Variants in PRSS23 observed in about 807,000 individuals in gnomAD.
The protein encoded by PRSS23 is serine protease 23.
Under a neutral mutation model 34.7 loss-of-function variants are expected in PRSS23, and 25 were observed. The observed-to-expected ratio is 0.72, with a 90% confidence interval of 0.53 to 1.01. The LOEUF (loss-of-function observed/expected upper bound fraction) is 1.01. Among genes scored for constraint, PRSS23 ranks in the 50% least tolerant of loss-of-function variants. The pLI, the probability that PRSS23 is intolerant of heterozygous loss-of-function variation, is 0.00. For synonymous variants in PRSS23, 176 were observed against 186.6 expected, an observed-to-expected ratio of 0.94 and a Z score of 0.46; for missense variants, 445 against 475.6, an observed-to-expected ratio of 0.94 and a Z score of 0.60.
At chr11:86,844,473 T>C (rs1211824404) in intron 2 of PRSS23, among the ~76,000 whole-genome samples, 1 of 152,094 alleles carries the variant, frequency 6.6e-6, no homozygotes, top group African/African-American at 2.4e-5. Flanking sequence ...CAGTGTGCAA[T>C]ACAGCTGTCA....
chr11:86,951,033 G>A, intron 2 of PRSS23: 2 of 1,189,976 alleles, frequency 1.7e-6, no homozygotes, highest in Non-Finnish European at 2.5e-6. Context: ...CTTAATTGTT[G>A]CTAGTTTGTT....
intron 1 of PRSS23, chr11:86,821,462 A>G: frequency 1.2e-6 from 2 of 1,602,822 alleles, no homozygotes; most frequent in South Asian, 1.1e-5. Flanking sequence ...GGTATAGGCT[A>G]TAGCAGGACA....
intron 2 of PRSS23, among the ~76,000 whole-genome samples, chr11:86,902,657 C>T (rs1948919314): frequency 6.6e-6 from 1 of 152,152 alleles, no homozygotes; most frequent in African/African-American, 2.4e-5. Flanking sequence ...ATGCTACTAC[C>T]TATGTTTTTT....
chr11:86,912,784 C>A (rs1248520430), intron 2 of PRSS23, among the ~76,000 whole-genome samples: 1 of 152,100 alleles, frequency 6.6e-6, no homozygotes, highest in African/African-American at 2.4e-5. Context: ...TCTCTATTAG[C>A]CCTTTCTCTT....
chr11:86,903,339 G>A (rs1011022610), intron 2 of PRSS23, among the ~76,000 whole-genome samples: 4 of 152,102 alleles, frequency 2.6e-5, no homozygotes, highest in African/African-American at 9.7e-5. Flanking sequence ...CAAGGTCACT[G>A]CAATCATGCA....
chr11:86,910,420 G>C (rs1565383647), intron 2 of PRSS23: 2 of 152,104 alleles, frequency 1.3e-5, no homozygotes, highest in African/African-American at 4.8e-5. Context: ...TTAAAAATTA[G>C]TCCAGAATTG....
chr11:86,852,003 A>C lies in PRSS23; in HGVS notation c.206+28410A>C, dbSNP rs182626227. On this transcript the variant is annotated intron_variant, in intron 2 of 2. Transcript: ENST00000533902. ...ACAGTCTGCTGAGCTGACAGTTTGC[A>C]TATTGGTCTCCTCCCATCTGCCCAC... is the stretch of plus-strand genomic sequence containing the variant. Among the ~76,000 whole-genome samples the C allele has an allele frequency of 9.8e-4, 149 of 152,322 alleles. 1 individual carries two copies. Among genetic ancestry groups the C allele is most frequent in the African/African-American group, 3.6e-3 (148 of 41,582 alleles).
intron 2 of PRSS23, among the ~76,000 whole-genome samples, chr11:86,873,267 T>TACACACAC (rs1439589458): frequency 7.6e-6 from 1 of 132,018 alleles, no homozygotes; most frequent in Admixed American, 7.9e-5. Flanking sequence ...TATATATATA[T>TACACACAC]ACACACACAT....
chr11:86,926,055 C>A (rs939687455), intron 2 of PRSS23, among the ~76,000 whole-genome samples: 4 of 152,158 alleles, frequency 2.6e-5, no homozygotes, highest in Admixed American at 2.6e-4. Context: ...GCCCTACATT[C>A]ATTTCTTTAT....
At chr11:86,863,453 G>A (rs1457000544) in intron 2 of PRSS23, among the ~76,000 whole-genome samples, 1 of 152,178 alleles carries the variant, frequency 6.6e-6, no homozygotes, top group African/African-American at 2.4e-5. Context: ...GTGCCCAATA[G>A]TAGGTTCCCC....
intron 2 of PRSS23, among the ~76,000 whole-genome samples, chr11:86,900,020 T>C (rs1276002334): frequency 3.3e-5 from 5 of 151,950 alleles, no homozygotes; most frequent in African/African-American, 1.2e-4. Flanking sequence ...TGGAGGGAAG[T>C]AGGAAATTGA....
intron 2 of PRSS23, among the ~76,000 whole-genome samples, chr11:86,882,900 T>G (rs539382848): frequency 6.6e-6 from 1 of 152,232 alleles, no homozygotes; most frequent in Non-Finnish European, 1.5e-5. Flanking sequence ...ACATTCTGAC[T>G]GGTGTGAGAT....
At chr11:86,936,733 T>C (rs1038387432) in intron 2 of PRSS23, 2 of 152,010 alleles carry the variant, frequency 1.3e-5, no homozygotes, top group African/African-American at 4.8e-5. Context: ...GACCCCTGTC[T>C]CTACAAAAAA....
chr11:86,942,560 T>C (rs1949213749), intron 2 of PRSS23, among the ~76,000 whole-genome samples: 2 of 152,148 alleles, frequency 1.3e-5, no homozygotes, highest in Non-Finnish European at 2.9e-5. Flanking sequence ...ATTGGGTGCT[T>C]ATAGGAAACC....
At chr11:86,830,225 C>T (rs1948341518) in intron 2 of PRSS23, among the ~76,000 whole-genome samples, 1 of 152,202 alleles carries the variant, frequency 6.6e-6, no homozygotes, top group Non-Finnish European at 1.5e-5. Context: ...CTCACTGCCA[C>T]CTTGCAGTTT....
At chr11:86,907,476 T>C (rs567159804) in intron 2 of PRSS23, among the ~76,000 whole-genome samples, 8 of 151,350 alleles carry the variant, frequency 5.3e-5, no homozygotes, top group African/African-American at 1.9e-4. Context: ...CAATTTTTTG[T>C]GTTTTTTTGA....
chr11:86,887,517 C>T (rs1948810914), intron 2 of PRSS23, among the ~76,000 whole-genome samples: 1 of 152,032 alleles, frequency 6.6e-6, no homozygotes, highest in African/African-American at 2.4e-5. Flanking sequence ...GAAGATTCAG[C>T]AAATATTCCC....
intron 2 of PRSS23, among the ~76,000 whole-genome samples, chr11:86,867,450 A>G (rs12786506): frequency 0.11 from 16,611 of 152,282 alleles, 1,085 homozygotes; most frequent in Non-Finnish European, 0.15. Flanking sequence ...CCTTGCCTTC[A>G]TCATCTTTGT....
At chr11:86,815,592 T>G (rs1948209816), downstream of PRSS23, among the ~76,000 whole-genome samples, 1 of 152,236 alleles carries the variant, frequency 6.6e-6, no homozygotes, top group Non-Finnish European at 1.5e-5. Flanking sequence ...TATTCTAGCA[T>G]GTGTTACATT....
Sources: allele counts gnomAD v4.1 joint callset (sites outside exome capture counted in the v4.1 genomes callset), GRCh38; gene constraint gnomAD v4.1.1; transcripts MANE v1.5; gene names NCBI Gene and HGNC (gene_info 2026-07-23, HGNC 2026-07-21).